ZNG1B: variants seen among roughly 807,000 people sequenced by gnomAD.
The protein encoded by ZNG1B is zinc-regulated GTPase metalloprotein activator 1B.
chr2:113,462,359 C>T, the ZNG1B span: 447 of 1,543,038 alleles, frequency 2.9e-4, 6 homozygotes, highest in South Asian at 4.3e-3. Flanking sequence ...AATCTGCATG[C>T]GTGTATATTA....
the ZNG1B span, among the ~76,000 whole-genome samples, chr2:113,486,754 TCAAAAAA>T: frequency 6.6e-6 from 1 of 152,222 alleles, no homozygotes; most frequent in Admixed American, 6.5e-5. Flanking sequence ...AGACCCCATC[TCAAAAAA>T]ATTTATTAAG....
At chr2:113,481,530 C>A in the ZNG1B span, 1 of 151,956 alleles carries the variant, frequency 6.6e-6, no homozygotes, top group Non-Finnish European at 1.5e-5. Context: ...CCCCTCCCGT[C>A]CTGTCCCCAT....
the ZNG1B span, among the ~76,000 whole-genome samples, chr2:113,479,593 T>C: frequency 1.3e-5 from 2 of 152,140 alleles, no homozygotes; most frequent in Non-Finnish European, 2.9e-5. Context: ...AACTTTTCTC[T>C]CGATGATCCT....
At chr2:113,460,733 A>C in the ZNG1B span, 416 of 1,592,168 alleles carry the variant, frequency 2.6e-4, 5 homozygotes, top group Admixed American at 6.6e-3. Context: ...TTCATATTTA[A>C]AGTATATATT....
chr2:113,456,472 A>C, the ZNG1B span, among the ~76,000 whole-genome samples: 3 of 150,988 alleles, frequency 2.0e-5, no homozygotes, highest in Admixed American at 6.6e-5. Flanking sequence ...TTTTATTTTG[A>C]TAGACTGAAA....
chr2:113,439,035 T>C, the ZNG1B span: 1 of 1,517,058 alleles, frequency 6.6e-7, no homozygotes, highest in Non-Finnish European at 8.9e-7. Flanking sequence ...CAGAGGCTGC[T>C]CTGCTGAGAA....
At chr2:113,467,112 TAGTCAA>T in the ZNG1B span, among the ~76,000 whole-genome samples, 1 of 150,334 alleles carries the variant, frequency 6.7e-6, no homozygotes, top group Non-Finnish European at 1.5e-5. Flanking sequence ...GTTAACAAAA[TAGTCAA>T]AGTCACTCTT....
chr2:113,483,137 A>G, the ZNG1B span, among the ~76,000 whole-genome samples: 1 of 152,302 alleles, frequency 6.6e-6, no homozygotes, highest in African/African-American at 2.4e-5. Context: ...GTTCTTCATG[A>G]TAGTCGGTAT....
the ZNG1B span, chr2:113,471,217 A>C: frequency 4.9e-6 from 7 of 1,419,524 alleles, no homozygotes; most frequent in African/African-American, 1.0e-4. Flanking sequence ...ACAAGACCAT[A>C]CTTAATGAGG....
At chr2:113,448,046 A>G in the ZNG1B span, among the ~76,000 whole-genome samples, 6 of 152,224 alleles carry the variant, frequency 3.9e-5, no homozygotes, top group African/African-American at 1.4e-4. Flanking sequence ...AGAATGATGA[A>G]TCCTTTCCAG....
chr2:113,477,457 A>G, the ZNG1B span, among the ~76,000 whole-genome samples: 427 of 152,188 alleles, frequency 2.8e-3, 2 homozygotes, highest in African/African-American at 9.8e-3. Flanking sequence ...CCTCAGATGG[A>G]AATGGAGAAA....
the ZNG1B span, among the ~76,000 whole-genome samples, chr2:113,490,501 AAACAAAAC>A: frequency 6.6e-6 from 1 of 152,144 alleles, no homozygotes; most frequent in Non-Finnish European, 1.5e-5. Flanking sequence ...AATGAAATTG[AAACAAAAC>A]AACAAAAAAA....
the ZNG1B span, among the ~76,000 whole-genome samples, chr2:113,463,127 C>T: frequency 0.22 from 33,192 of 151,122 alleles, 4,015 homozygotes; most frequent in East Asian, 0.52. Flanking sequence ...ATGAATGATG[C>T]TCAAATATGT....
chr2:113,462,844 C>T, the ZNG1B span: 1 of 397,298 alleles, frequency 2.5e-6, no homozygotes. Flanking sequence ...CTGTCAGTTC[C>T]TGTCTTTACT....
the ZNG1B span, among the ~76,000 whole-genome samples, chr2:113,449,428 C>G: frequency 7.0e-6 from 1 of 143,156 alleles, no homozygotes. Context: ...AAACAGGTGA[C>G]TGTTCCTTTC....
At chr2:113,459,325 G>T in the ZNG1B span, among the ~76,000 whole-genome samples, 2 of 151,338 alleles carry the variant, frequency 1.3e-5, no homozygotes, top group African/African-American at 4.9e-5. Flanking sequence ...ACCTAATCAA[G>T]CTTGTTAAAT....
At chr2:113,440,117 C>T in the ZNG1B span, among the ~76,000 whole-genome samples, 1 of 151,448 alleles carries the variant, frequency 6.6e-6, no homozygotes, top group African/African-American at 2.4e-5. Flanking sequence ...ATCTCCTGAC[C>T]TCGTGATCCG....
the ZNG1B span, among the ~76,000 whole-genome samples, chr2:113,490,688 G>T: frequency 6.6e-6 from 1 of 152,092 alleles, no homozygotes; most frequent in African/African-American, 2.4e-5. Context: ...GATATTCAAG[G>T]CTACTATGAA....
At chr2:113,489,142 G>C in the ZNG1B span, among the ~76,000 whole-genome samples, 20 of 152,220 alleles carry the variant, frequency 1.3e-4, no homozygotes, top group Admixed American at 1.2e-3. Flanking sequence ...AAACTTACCA[G>C]ATTAACAGCA....
Sources: gnomAD v4.1 joint callset for allele counts (sites outside exome capture counted in the v4.1 genomes callset) on GRCh38, gnomAD v4.1.1 for gene constraint, MANE v1.5 for transcripts, NCBI Gene and HGNC (gene_info 2026-07-23, HGNC 2026-07-21) for gene names.